Variants in ACCSL observed in about 807,000 individuals in gnomAD.
ACCSL encodes probable inactive 1-aminocyclopropane-1-carboxylate synthase-like protein 2.
ACCSL carries 55 observed loss-of-function variants against 61.7 expected under a neutral mutation model. The ratio of observed to expected loss-of-function variants is 0.89; its 90% confidence interval spans 0.72 to 1.12. The LOEUF is 1.12. Ranked by LOEUF, ACCSL falls within the 50% of genes most tolerant of loss-of-function variation. The pLI is 0.00. For missense variants in ACCSL, 632 were observed against 698.0 expected (o/e 0.91, Z 1.07); for synonymous variants, 258 against 264.3 (o/e 0.98, Z 0.23).
At chr11:43,933,356 A>G in the ACCSL span, 1 of 343,348 alleles carries the variant, frequency 2.9e-6, no homozygotes, top group Non-Finnish European at 5.8e-6. Context: ...GGGGGCAGCC[A>G]GGCTCAAGGT....
At chr11:43,926,924 A>C in the ACCSL span, among the ~76,000 whole-genome samples, 2 of 152,108 alleles carry the variant, frequency 1.3e-5, no homozygotes, top group African/African-American at 2.4e-5. Context: ...CTAATTTCAG[A>C]ATTTGTTGTA....
intron 2 of ACCSL, 121 bp from the exon 3 acceptor site, chr11:44,050,431 C>A (rs975977753): frequency 1.2e-6 from 1 of 831,446 alleles, no homozygotes; most frequent in Non-Finnish European, 2.0e-6. Flanking sequence ...AGTGTATATA[C>A]CCATTCCCTT....
chr11:44,047,202 T>C (rs926107060), upstream of ACCSL, among the ~76,000 whole-genome samples: 8 of 152,200 alleles, frequency 5.3e-5, no homozygotes, highest in Non-Finnish European at 1.0e-4. Context: ...TTGAGAGCCA[T>C]GTACCTAGCC....
chr11:44,046,242 A>G (rs1952596444), upstream of ACCSL, among the ~76,000 whole-genome samples: 1 of 152,206 alleles, frequency 6.6e-6, no homozygotes, highest in Non-Finnish European at 1.5e-5. Flanking sequence ...TCTCATCAGT[A>G]TGTTCCTAAC....
At chr11:44,038,522 C>G in the ACCSL span, among the ~76,000 whole-genome samples, 4 of 152,172 alleles carry the variant, frequency 2.6e-5, no homozygotes, top group East Asian at 7.8e-4. Flanking sequence ...AGTGGAGAGG[C>G]AGCATGTGCA....
At chr11:43,986,963 G>C in the ACCSL span, among the ~76,000 whole-genome samples, 2 of 152,186 alleles carry the variant, frequency 1.3e-5, no homozygotes, top group Non-Finnish European at 2.9e-5. Context: ...AAGAGCCAGA[G>C]ACAGTGTGAT....
the ACCSL span, among the ~76,000 whole-genome samples, chr11:43,958,890 G>A: frequency 6.6e-6 from 1 of 151,810 alleles, no homozygotes; most frequent in Non-Finnish European, 1.5e-5. Context: ...AATTTTATTT[G>A]GGTTTCTCAA....
chr11:44,033,697 G>T, the ACCSL span, among the ~76,000 whole-genome samples: 1 of 152,280 alleles, frequency 6.6e-6, no homozygotes, highest in African/African-American at 2.4e-5. Context: ...CAAGTCCTGG[G>T]CAGGGGGAGA....
the ACCSL span, among the ~76,000 whole-genome samples, chr11:43,924,715 C>T: frequency 3.9e-5 from 6 of 152,232 alleles, no homozygotes; most frequent in African/African-American, 1.4e-4. Context: ...GTCTGAGCCA[C>T]CTGCCTGGGG....
the ACCSL span, among the ~76,000 whole-genome samples, chr11:43,974,258 G>A: frequency 1.3e-5 from 2 of 152,156 alleles, no homozygotes; most frequent in Non-Finnish European, 1.5e-5. Context: ...GGCAGGATTG[G>A]TTCCTTCTGG....
upstream of ACCSL, among the ~76,000 whole-genome samples, chr11:44,047,012 G>C (rs1448590991): frequency 6.6e-6 from 1 of 151,880 alleles, no homozygotes; most frequent in African/African-American, 2.4e-5. Context: ...GCAAGACCCA[G>C]TCCCTCCAAA....
chr11:43,966,944 T>C, the ACCSL span, among the ~76,000 whole-genome samples: 1 of 152,076 alleles, frequency 6.6e-6, no homozygotes, highest in Admixed American at 6.6e-5. Flanking sequence ...ATTCCCATTA[T>C]GTATATGCTG....
At chr11:43,982,942 G>A in the ACCSL span, among the ~76,000 whole-genome samples, 1 of 152,178 alleles carries the variant, frequency 6.6e-6, no homozygotes, top group African/African-American at 2.4e-5. Flanking sequence ...GGCTGGGGTG[G>A]CCTCGAATCT....
the ACCSL span, among the ~76,000 whole-genome samples, chr11:43,961,340 A>G: frequency 6.6e-6 from 1 of 152,196 alleles, no homozygotes; most frequent in African/African-American, 2.4e-5. Flanking sequence ...GATACAGACT[A>G]ATAGTCACTG....
chr11:43,942,063 T>C, the ACCSL span, among the ~76,000 whole-genome samples: 2 of 149,320 alleles, frequency 1.3e-5, no homozygotes, highest in East Asian at 2.0e-4. Flanking sequence ...TGTGTGTGTG[T>C]GTGTGTGTGT....
At chr11:43,963,656 G>C in the ACCSL span, among the ~76,000 whole-genome samples, 1 of 152,196 alleles carries the variant, frequency 6.6e-6, no homozygotes, top group Non-Finnish European at 1.5e-5. Flanking sequence ...TGCTACAGCA[G>C]AACTGCCTCA....
chr11:43,942,443 C>T, the ACCSL span: 1 of 212,130 alleles, frequency 4.7e-6, no homozygotes, highest in African/African-American at 2.4e-5. Flanking sequence ...CGGGCGGGGC[C>T]TGCCTTCCGG....
chr11:43,948,745 A>G, the ACCSL span, among the ~76,000 whole-genome samples: 1 of 152,146 alleles, frequency 6.6e-6, no homozygotes, highest in Non-Finnish European at 1.5e-5. Context: ...AAGTGATGAG[A>G]TTACAGGTGT....
At chr11:44,051,092 T>C (rs974191127) in intron 3 of ACCSL, among the ~76,000 whole-genome samples, 2 of 152,158 alleles carry the variant, frequency 1.3e-5, no homozygotes, top group African/African-American at 4.8e-5. Context: ...CCACCCGCCT[T>C]GGCCTCCCAA....
Sources: gnomAD v4.1 joint callset for allele counts (sites outside exome capture counted in the v4.1 genomes callset) on GRCh38, gnomAD v4.1.1 for gene constraint, MANE v1.5 for transcripts, NCBI Gene and HGNC (gene_info 2026-07-23, HGNC 2026-07-21) for gene names.